The following TTC27 variants were observed in gnomAD, a reference collection of about 807,000 sequenced individuals.
The protein encoded by TTC27 is tetratricopeptide repeat domain 27.
A neutral mutation model predicts 115.9 loss-of-function variants in TTC27; 79 were observed. The ratio of observed to expected loss-of-function variants is 0.68; its 90% CI spans 0.57 to 0.82. The LOEUF is 0.82. Among genes scored for constraint, TTC27 ranks in the 40% least tolerant of loss-of-function variants. The pLI, the probability that TTC27 is intolerant of heterozygous loss-of-function variation, is 0.00. For synonymous variants in TTC27, 401 were observed against 356.0 expected (o/e 1.13, Z -1.42); for missense variants, 1,054 against 993.1 (o/e 1.06, Z -0.82).
intron 7 of TTC27, among the ~76,000 whole-genome samples, chr2:32,667,138 T>C (rs972740653): frequency 3.3e-5 from 5 of 152,204 alleles, no homozygotes; most frequent in African/African-American, 9.6e-5. Flanking sequence ...TGTTTCCTTA[T>C]GTTTGTCTTC....
intron 15 of TTC27, among the ~76,000 whole-genome samples, chr2:32,783,454 T>C (rs893821014): frequency 6.6e-6 from 1 of 152,242 alleles, no homozygotes; most frequent in Non-Finnish European, 1.5e-5. Flanking sequence ...ATGTGAAATA[T>C]ACGGTGAGAG....
At chr2:32,714,352 G>T (rs1667687639) in intron 10 of TTC27, among the ~76,000 whole-genome samples, 1 of 151,876 alleles carries the variant, frequency 6.6e-6, no homozygotes, top group Non-Finnish European at 1.5e-5. Flanking sequence ...TAGAGGCAGG[G>T]TTTCACCATG....
At chr2:32,665,630 C>T (rs1478976714) in intron 6 of TTC27, among the ~76,000 whole-genome samples, 2 of 152,200 alleles carry the variant, frequency 1.3e-5, no homozygotes, top group Non-Finnish European at 2.9e-5. Context: ...TGCTGTGACT[C>T]ATGCCTGTAA....
Position 32,708,616 on chromosome 2 carries a change from T to A in TTC27, c.1233+5696T>A, listed in dbSNP as rs201693101. 2.6e-4 allele frequency among the ~76,000 whole-genome samples: 39 copies of A among 152,248 alleles called. No individual in the cohort carries two copies. The East Asian group carries it at 5.6e-3, about 22-fold the overall frequency. ...AGCCACTGCGCCCGGCCTCTTTTTT[T>A]ATTTTTCTAGCTTACTTTATTGTAA... On this transcript the variant is annotated intron_variant, in intron 10 of 19. Coordinates refer to ENST00000317907, the MANE Select transcript of TTC27 (RefSeq NM_017735.5).
intron 12 of TTC27, among the ~76,000 whole-genome samples, chr2:32,753,468 C>T (rs1669089683): frequency 9.5e-6 from 1 of 105,522 alleles, no homozygotes; most frequent in African/African-American, 3.8e-5. Context: ...GACAGAGTCT[C>T]TCTCTGTCAC....
At chr2:32,747,807 A>G (rs74261857) in intron 12 of TTC27, among the ~76,000 whole-genome samples, 29,814 of 152,102 alleles carry the variant, frequency 0.2, 3,370 homozygotes, top group South Asian at 0.38. Flanking sequence ...AGCGTAGGAT[A>G]CCTGGGGAGT....
At chr2:32,645,240 A>G (rs1263191069) in intron 4 of TTC27, among the ~76,000 whole-genome samples, 1 of 152,166 alleles carries the variant, frequency 6.6e-6, no homozygotes, top group African/African-American at 2.4e-5. Flanking sequence ...GGTACTATGT[A>G]AGTGGTTGAG....
At chr2:32,768,304 C>G (rs1669709783) in intron 13 of TTC27, among the ~76,000 whole-genome samples, 1 of 151,916 alleles carries the variant, frequency 6.6e-6, no homozygotes, top group Admixed American at 6.6e-5. Flanking sequence ...TTATAAGTCC[C>G]CAGATGGAGT....
intron 5 of TTC27, among the ~76,000 whole-genome samples, chr2:32,655,857 A>G (rs893976052): frequency 6.6e-6 from 1 of 152,106 alleles, no homozygotes; most frequent in Non-Finnish European, 1.5e-5. Flanking sequence ...ACTATTCAAT[A>G]TGGTAGCCAC....
At chr2:32,750,618 A>G (rs1668977731) in intron 12 of TTC27, among the ~76,000 whole-genome samples, 1 of 152,234 alleles carries the variant, frequency 6.6e-6, no homozygotes, top group Admixed American at 6.5e-5. Flanking sequence ...GCAGGTACAG[A>G]TTATTCCATA....
At chr2:32,815,254 T>TTTTTTTTTTTTTTTTA (rs1291365713) in intron 18 of TTC27, among the ~76,000 whole-genome samples, 1 of 129,138 alleles carries the variant, frequency 7.7e-6, no homozygotes, top group Non-Finnish European at 1.6e-5. Flanking sequence ...TTTTTTTTTT[T>TTTTTTTTTTTTTTTTA]GAGACGGAGT....
chr2:32,736,265 C>T (rs1244578377), intron 11 of TTC27, among the ~76,000 whole-genome samples: 1 of 152,016 alleles, frequency 6.6e-6, no homozygotes, highest in Non-Finnish European at 1.5e-5. Flanking sequence ...GCTAGATATG[C>T]CCTTCTGAAT....
At chr2:32,723,285 T>TTACGCAGCATTTTCCA in intron 10 of TTC27, among the ~76,000 whole-genome samples, 1 of 152,110 alleles carries the variant, frequency 6.6e-6, no homozygotes, top group Non-Finnish European at 1.5e-5. Context: ...CTTAACATCC[T>TTACGCAGCATTTTCCA]TACGCAGCAT....
intron 16 of TTC27, among the ~76,000 whole-genome samples, chr2:32,805,682 T>C (rs1671104590): frequency 6.6e-6 from 1 of 152,190 alleles, no homozygotes; most frequent in African/African-American, 2.4e-5. Flanking sequence ...GGCAGTACAG[T>C]GAGTGAGCCA....
chr2:32,732,669 C>A (rs932835664), intron 10 of TTC27, among the ~76,000 whole-genome samples: 4 of 152,090 alleles, frequency 2.6e-5, no homozygotes, highest in African/African-American at 7.2e-5. Context: ...CAAAAAGTTG[C>A]AAGAACAGTG....
intron 15 of TTC27, among the ~76,000 whole-genome samples, chr2:32,786,562 G>A (rs1338016914): frequency 2.6e-5 from 4 of 152,152 alleles, no homozygotes; most frequent in Admixed American, 6.5e-5. Flanking sequence ...TTCATGAGGA[G>A]TGTGTTGTTT....
intron 12 of TTC27, among the ~76,000 whole-genome samples, chr2:32,745,308 C>G (rs1013622290): frequency 1.3e-5 from 2 of 152,094 alleles, no homozygotes; most frequent in African/African-American, 4.8e-5. Flanking sequence ...CTTTTTAGCT[C>G]TCTCCCTGAG....
chr2:32,738,547 A>C (rs1409033986), intron 12 of TTC27, among the ~76,000 whole-genome samples: 2 of 152,350 alleles, frequency 1.3e-5, no homozygotes, highest in South Asian at 2.1e-4. Context: ...TGCATGTGAA[A>C]GCTAATGATA....
chr2:32,658,052 C>T (rs1021856713), intron 5 of TTC27, among the ~76,000 whole-genome samples: 42 of 152,318 alleles, frequency 2.8e-4, no homozygotes, highest in African/African-American at 9.9e-4. Context: ...TGGTCTCGAT[C>T]TCCTGACCTC....
Sources: allele counts gnomAD v4.1 joint callset (sites outside exome capture counted in the v4.1 genomes callset), GRCh38; gene constraint gnomAD v4.1.1; transcripts MANE v1.5; gene names NCBI Gene and HGNC (gene_info 2026-07-23, HGNC 2026-07-21).